Variants in GALNT13 observed in about 807,000 individuals in gnomAD.
The protein encoded by GALNT13 is polypeptide N-acetylgalactosaminyltransferase 13, also known as UDP-GalNAc:polypeptide N-acetylgalactosaminyltransferase 13.
A neutral mutation model predicts 64.2 loss-of-function variants in GALNT13; 28 were observed. The observed-to-expected ratio is 0.44, with a 90% CI of 0.32 to 0.60. The LOEUF (loss-of-function observed/expected upper bound fraction) is 0.60, where lower values mean the gene tolerates loss of function less well. GALNT13 is among the 20% of genes least tolerant of loss of function. The pLI, the probability that GALNT13 is intolerant of heterozygous loss-of-function variation, is 0.05. For missense variants in GALNT13, 577 were observed against 669.8 expected (o/e 0.86, Z 1.53); for synonymous variants, 214 against 224.6 (o/e 0.95, Z 0.42).
At chr2:153,653,476 G>A in the GALNT13 span, among the ~76,000 whole-genome samples, 1 of 152,112 alleles carries the variant, frequency 6.6e-6, no homozygotes, top group Non-Finnish European at 1.5e-5. Flanking sequence ...GTTTGAAAAG[G>A]AATCGTATTT....
At chr2:153,814,296 T>C in the GALNT13 span, among the ~76,000 whole-genome samples, 1 of 151,604 alleles carries the variant, frequency 6.6e-6, no homozygotes, top group Admixed American at 6.6e-5. Flanking sequence ...AAAAATTAAC[T>C]GGGCGCGGTG....
At chr2:153,939,037 AAG>A (rs1691149948) in intron 2 of GALNT13, among the ~76,000 whole-genome samples, 1 of 152,178 alleles carries the variant, frequency 6.6e-6, no homozygotes, top group Non-Finnish European at 1.5e-5. Context: ...CCATTTAAGA[AAG>A]GGGGACAAAT....
At chr2:154,099,163 A>G (rs1702221620) in intron 3 of GALNT13, among the ~76,000 whole-genome samples, 1 of 152,106 alleles carries the variant, frequency 6.6e-6, no homozygotes, top group Non-Finnish European at 1.5e-5. Context: ...CATTTGTCTA[A>G]CAATTAGTGA....
the GALNT13 span, among the ~76,000 whole-genome samples, chr2:153,605,682 C>G: frequency 6.6e-6 from 1 of 152,096 alleles, no homozygotes; most frequent in East Asian, 1.9e-4. Flanking sequence ...AGTTCTTGGT[C>G]TTGCTTCTAC....
At chr2:153,692,691 G>A in the GALNT13 span, among the ~76,000 whole-genome samples, 1 of 152,120 alleles carries the variant, frequency 6.6e-6, no homozygotes, top group Non-Finnish European at 1.5e-5. Context: ...TACTTTCATT[G>A]CCTTACCTCT....
At chr2:153,248,770 C>T in the GALNT13 span, among the ~76,000 whole-genome samples, 10 of 138,050 alleles carry the variant, frequency 7.2e-5, no homozygotes, top group South Asian at 8.8e-4. Context: ...GAGCGGAGAT[C>T]GAGCCATTGC....
chr2:154,222,897 T>C (rs931917063), intron 4 of GALNT13, among the ~76,000 whole-genome samples: 1 of 152,148 alleles, frequency 6.6e-6, no homozygotes, highest in Non-Finnish European at 1.5e-5. Flanking sequence ...TTCTGCTTTA[T>C]TTCAAAAGGA....
the GALNT13 span, among the ~76,000 whole-genome samples, chr2:153,435,901 G>A: frequency 1.3e-5 from 2 of 152,018 alleles, no homozygotes; most frequent in Admixed American, 6.6e-5. Flanking sequence ...TCCCTGTCTT[G>A]TGCCAGTTTT....
intron 3 of GALNT13, among the ~76,000 whole-genome samples, chr2:154,086,939 G>A (rs955492332): frequency 6.6e-6 from 1 of 152,032 alleles, no homozygotes; most frequent in Non-Finnish European, 1.5e-5. Context: ...TTCACCACAT[G>A]CACTGTTGCC....
At chr2:153,237,426 A>G in the GALNT13 span, among the ~76,000 whole-genome samples, 2 of 152,018 alleles carry the variant, frequency 1.3e-5, no homozygotes, top group African/African-American at 4.8e-5. Context: ...ATCAAATACT[A>G]GATCTTATTC....
the GALNT13 span, among the ~76,000 whole-genome samples, chr2:153,789,365 G>A: frequency 6.6e-6 from 1 of 151,990 alleles, no homozygotes. Flanking sequence ...AAATAATTAA[G>A]GCAGAAATCA....
chr2:153,181,508 T>C, the GALNT13 span, among the ~76,000 whole-genome samples: 1 of 151,418 alleles, frequency 6.6e-6, no homozygotes, highest in African/African-American at 2.4e-5. Context: ...AATCTGTGTA[T>C]ATCTGTTAGA....
chr2:154,187,764 A>G (rs1156389832), intron 4 of GALNT13, among the ~76,000 whole-genome samples: 1 of 152,188 alleles, frequency 6.6e-6, no homozygotes, highest in Admixed American at 6.6e-5. Flanking sequence ...AATTTACTGC[A>G]TACATACAAA....
chr2:154,163,762 G>C (rs1684870897), intron 4 of GALNT13, among the ~76,000 whole-genome samples: 1 of 152,170 alleles, frequency 6.6e-6, no homozygotes, highest in Non-Finnish European at 1.5e-5. Context: ...AAATGGTGGA[G>C]TTTAAGTAGG....
the GALNT13 span, among the ~76,000 whole-genome samples, chr2:153,630,807 ATTTTTTT>A: frequency 0.013 from 281 of 21,950 alleles, 1 homozygote; most frequent in African/African-American, 0.027. Context: ...ATATATATAT[ATTTTTTT>A]TTTTTTTTTT....
chr2:153,693,186 G>T, the GALNT13 span, among the ~76,000 whole-genome samples: 3 of 152,142 alleles, frequency 2.0e-5, no homozygotes, highest in Non-Finnish European at 2.9e-5. Flanking sequence ...CAGATCTCTG[G>T]TACTTGAAAT....
intron 3 of GALNT13, among the ~76,000 whole-genome samples, chr2:153,997,768 C>T (rs1431124176): frequency 1.3e-5 from 2 of 152,064 alleles, no homozygotes; most frequent in Non-Finnish European, 2.9e-5. Context: ...ACATTAGGTG[C>T]TTCTCCTAAT....
rs868794953 is a variant in GALNT13 at position 154,145,086 on chromosome 2, A to C, written c.311+4581A>C. ...TCTCTCTCTCTCTATCTATCTATCTATCTATCTATCTATCTATATATATAT... is the reference window on the plus strand; with the variant it reads ...TCTCTCTCTCTCTATCTATCTATCTCTCTATCTATCTATCTATATATATAT... On this transcript the variant is annotated intron_variant, in intron 4 of 12. Transcript: ENST00000392825. Among the ~76,000 whole-genome samples the C allele has an allele frequency of 4.7e-3, 560 of 119,172 alleles. 4 individuals are homozygous for C. The highest frequency in any genetic ancestry group is 0.021 in the East Asian group (66 of 3,182). 78.2% of individuals were successfully genotyped at this position (119,172 alleles called of 152,430 possible).
At chr2:153,687,975 G>A in the GALNT13 span, among the ~76,000 whole-genome samples, 5 of 152,014 alleles carry the variant, frequency 3.3e-5, no homozygotes, top group East Asian at 1.9e-4. Context: ...TAGGAAACAA[G>A]TAAATACTGG....
Sources: allele counts gnomAD v4.1 joint callset (sites outside exome capture counted in the v4.1 genomes callset), GRCh38; gene constraint gnomAD v4.1.1; transcripts MANE v1.5; gene names NCBI Gene and HGNC (gene_info 2026-07-23, HGNC 2026-07-21).